UGDH: variants seen among roughly 807,000 people sequenced by gnomAD.
The protein encoded by UGDH is UDP-glucose 6-dehydrogenase, also known as UDP-Glc dehydrogenase.
UGDH carries 38 observed loss-of-function variants against 50.6 expected under a neutral mutation model. That is an observed-to-expected ratio of 0.75 (90% CI 0.58 to 0.98). The LOEUF (loss-of-function observed/expected upper bound fraction) is 0.98, where lower values mean the gene tolerates loss of function less well. Among genes scored for constraint, UGDH ranks in the 50% least tolerant of loss-of-function variants. UGDH has a pLI of 0.00. For missense variants in UGDH, 465 were observed against 606.2 expected (o/e 0.77, Z 2.45); for synonymous variants, 168 against 199.9 (o/e 0.84, Z 1.35).
At chr4:39,501,904 ATAC>A (rs1350049939) in intron 11 of UGDH, among the ~76,000 whole-genome samples, 2 of 152,208 alleles carry the variant, frequency 1.3e-5, no homozygotes, top group Non-Finnish European at 2.9e-5. Context: ...AGAGATAAAC[ATAC>A]TACTCACTTT....
intron 2 of UGDH, among the ~76,000 whole-genome samples, chr4:39,521,069 C>CAAAAAAA (rs1179305904): frequency 5.0e-5 from 4 of 79,990 alleles, no homozygotes; most frequent in East Asian, 3.0e-4. Context: ...GACTCCGTCT[C>CAAAAAAA]AAAAAAAAAA....
chr4:39,521,360 AG>A lies in UGDH; in HGVS notation c.152del (p.Pro51LeufsTer7). ...RINAWNSPTL[P>X]IYEPGLKEVV... ...TGTTTAATATGTTTACCTCATAAAT[AG>A]GAAGTGTAGGAGAATTCCACGCATT... is the stretch of plus-strand genomic sequence containing the variant. On this transcript the variant is annotated frameshift_variant, in exon 2 of 12. Transcript: ENST00000316423. LOFTEE classifies it high-confidence loss of function. The A allele has an allele frequency of 1.2e-6, 2 of 1,603,950 alleles. No individual in the cohort carries two copies. The highest frequency in any genetic ancestry group is 1.7e-6 in the Non-Finnish European group (2 of 1,176,164).
chr4:39,501,299 G>A (rs1372341109), intron 11 of UGDH, among the ~76,000 whole-genome samples: 1 of 136,002 alleles, frequency 7.4e-6, no homozygotes. Flanking sequence ...TTTTGAGATG[G>A]AGTCTCGCTC....
At chr4:39,507,940 C>A (rs1746089577) in intron 7 of UGDH, among the ~76,000 whole-genome samples, 3 of 112,060 alleles carry the variant, frequency 2.7e-5, no homozygotes, top group Non-Finnish European at 1.7e-5. Context: ...GAGATCTTGT[C>A]TCAAAAAAAA....
chr4:39,503,221 G>C (rs1745895175), intron 11 of UGDH, among the ~76,000 whole-genome samples: 1 of 151,884 alleles, frequency 6.6e-6, no homozygotes. Flanking sequence ...AGCAATTTTT[G>C]TATTTGTTAA....
intron 7 of UGDH, among the ~76,000 whole-genome samples, chr4:39,506,666 G>A (rs913896176): frequency 6.6e-5 from 10 of 152,174 alleles, no homozygotes; most frequent in Non-Finnish European, 1.2e-4. Flanking sequence ...TGGTAACCGG[G>A]TGGGCGAAGC....
chr4:39,527,418 C>T lies in UGDH; in HGVS notation c.-143G>A, dbSNP rs1226206052. ...GCTCCCTCTCGGCGCACGCCCCTCC[C>T]TCAGGCTGCCACGCGTTACACTCTG... is the stretch of plus-strand genomic sequence containing the variant. On this transcript the variant is annotated 5_prime_UTR_variant, in exon 1 of 12. Transcript: ENST00000316423. The T allele has an allele frequency of 4.2e-6, 1 of 239,020 alleles. No homozygotes were observed. 14.8% of individuals were successfully genotyped at this position (239,020 alleles called of 1,614,324 possible).
chr4:39,519,383 G>A (rs555432413), intron 2 of UGDH, among the ~76,000 whole-genome samples: 2 of 152,036 alleles, frequency 1.3e-5, no homozygotes, highest in Admixed American at 1.3e-4. Context: ...ATACACTGCT[G>A]GCAGAATTCA....
intron 3 of UGDH, among the ~76,000 whole-genome samples, chr4:39,513,738 T>C (rs748347010): frequency 2.0e-5 from 3 of 150,762 alleles, no homozygotes; most frequent in African/African-American, 4.8e-5. Context: ...GGTTTCACCA[T>C]GTTGGCCAGG....
intron 1 of UGDH, among the ~76,000 whole-genome samples, chr4:39,524,879 T>C (rs1746813389): frequency 6.6e-6 from 1 of 152,234 alleles, no homozygotes; most frequent in East Asian, 1.9e-4. Context: ...CTGCCTTGAT[T>C]GTGAGACCAC....
intron 7 of UGDH, 123 bp from the exon 8 acceptor site, chr4:39,505,871 G>A: frequency 9.8e-7 from 1 of 1,019,826 alleles, no homozygotes; most frequent in Non-Finnish European, 1.3e-6. Flanking sequence ...TTAACAAGAG[G>A]CAAAAATTAA....
chr4:39,506,414 T>C (rs3796519), intron 7 of UGDH, among the ~76,000 whole-genome samples: 33,110 of 151,776 alleles, frequency 0.22, 5,642 homozygotes, highest in African/African-American at 0.46. Flanking sequence ...CTATCCTTAG[T>C]CCGTGTCTCC....
At chr4:39,518,998 C>T (rs1746540091) in intron 2 of UGDH, among the ~76,000 whole-genome samples, 1 of 152,118 alleles carries the variant, frequency 6.6e-6, no homozygotes, top group South Asian at 2.1e-4. Flanking sequence ...CTCACTGCAA[C>T]CTCTGCCTCC....
At chr4:39,514,960 G>A (rs750294014) in intron 2 of UGDH, among the ~76,000 whole-genome samples, 3 of 151,642 alleles carry the variant, frequency 2.0e-5, no homozygotes, top group Admixed American at 6.6e-5. Flanking sequence ...GGGATTACAC[G>A]CACAAGCCAC....
Position 39,527,381 on chromosome 4 carries a change from C to T in UGDH, c.-106G>A, listed in dbSNP as rs1293140906. 7.7e-6 allele frequency: 2 copies of T among 259,224 alleles called. No individual in the cohort carries two copies. Among genetic ancestry groups the T allele is most frequent in the Non-Finnish European group, 1.6e-5 (2 of 127,868 alleles). 16.1% of individuals were successfully genotyped at this position (259,224 alleles called of 1,614,324 possible). On this transcript the variant is annotated 5_prime_UTR_variant, in exon 1 of 12. Transcript: ENST00000316423. Reference sequence around the variant, plus strand: ...CGCCGCAGCTTCTCCACCCGCGCCCCGCTCGATCTGAGCTCCCTCTCGGCG... The same window carrying T: ...CGCCGCAGCTTCTCCACCCGCGCCCTGCTCGATCTGAGCTCCCTCTCGGCG...
At chr4:39,520,810 A>C (rs1244485927) in intron 2 of UGDH, among the ~76,000 whole-genome samples, 2 of 151,990 alleles carry the variant, frequency 1.3e-5, no homozygotes, top group Non-Finnish European at 2.9e-5. Flanking sequence ...GCAGTGGCTC[A>C]CGCCTGTAAT....
intron 3 of UGDH, among the ~76,000 whole-genome samples, chr4:39,512,571 C>G (rs1746283486): frequency 6.6e-6 from 1 of 152,152 alleles, no homozygotes; most frequent in African/African-American, 2.4e-5. Context: ...CATTCAAAAA[C>G]AGATTATTTT....
intron 2 of UGDH, among the ~76,000 whole-genome samples, chr4:39,515,685 C>A (rs1316466847): frequency 6.6e-6 from 1 of 152,084 alleles, no homozygotes; most frequent in African/African-American, 2.4e-5. Context: ...AGGAACTGAA[C>A]CAGCAAAATC....
intron 2 of UGDH, among the ~76,000 whole-genome samples, chr4:39,516,508 T>G (rs572656718): frequency 2.1e-4 from 32 of 152,236 alleles, no homozygotes; most frequent in Admixed American, 6.5e-4. Context: ...CCACTGAAGC[T>G]CACTCTTAGG....
Sources: gnomAD v4.1 joint callset for allele counts (sites outside exome capture counted in the v4.1 genomes callset) on GRCh38, gnomAD v4.1.1 for gene constraint, MANE v1.5 for transcripts, NCBI Gene and HGNC (gene_info 2026-07-23, HGNC 2026-07-21) for gene names.